SND1: variants seen among roughly 807,000 people sequenced by gnomAD.
The protein encoded by SND1 is staphylococcal nuclease and tudor domain containing 1.
In SND1, 38 loss-of-function variants were observed where a neutral mutation model predicts 121.7. The ratio of observed to expected loss-of-function variants is 0.31; its 90% confidence interval spans 0.24 to 0.41. SND1 has a LOEUF of 0.41. Ranked by LOEUF, SND1 falls within the 10% of genes least tolerant of loss-of-function variation. The pLI is 1.00. For synonymous variants in SND1, 401 were observed against 447.4 expected (o/e 0.90, Z 1.31); for missense variants, 868 against 1,184.6 (o/e 0.73, Z 3.92).
chr7:128,089,037 CTGGTT>C (rs1793731904), intron 21 of SND1, among the ~76,000 whole-genome samples: 1 of 151,912 alleles, frequency 6.6e-6, no homozygotes, highest in South Asian at 2.1e-4. Flanking sequence ...AGGGTTCTTT[CTGGTT>C]TGTGTTTTTT....
At chr7:127,727,690 A>T (rs147970558) in intron 10 of SND1, among the ~76,000 whole-genome samples, 3 of 152,208 alleles carry the variant, frequency 2.0e-5, no homozygotes, top group Admixed American at 2.0e-4. Context: ...CCAGTCTCCA[A>T]TGGAGAGATT....
intron 1 of SND1, among the ~76,000 whole-genome samples, chr7:127,662,257 G>T (rs1055080381): frequency 6.6e-6 from 1 of 152,080 alleles, no homozygotes; most frequent in Non-Finnish European, 1.5e-5. Flanking sequence ...CTTTTTAAAA[G>T]AAACTGAAAT....
Position 128,029,518 on chromosome 7 carries a change from G to A in SND1, c.1779+38462G>A, listed in dbSNP as rs201729343. The A allele has an allele frequency of 8.1e-6, 13 of 1,613,960 alleles. No homozygotes were observed. In the East Asian group the frequency reaches 8.9e-5, roughly 11 times the overall value. On this transcript the variant is annotated intron_variant, in intron 16 of 23. Transcript: ENST00000354725. The surrounding 1 kb of genome is among the most constrained non-coding windows in gnomAD (Gnocchi z 4.2). ...TTCACGGAGGACATAGGGGGAGTCC[G>A]ACACTTAAGTTCTGCCATCCGACCC...
chr7:127,671,433 C>T (rs188663880), intron 1 of SND1, among the ~76,000 whole-genome samples: 38 of 152,256 alleles, frequency 2.5e-4, no homozygotes, highest in African/African-American at 9.1e-4. Context: ...TCCCTTCAAA[C>T]TTCTGGTCAC....
intron 10 of SND1, among the ~76,000 whole-genome samples, chr7:127,775,105 A>G (rs567474754): frequency 2.6e-5 from 4 of 152,226 alleles, no homozygotes; most frequent in African/African-American, 9.6e-5. Context: ...AGAGCATGTG[A>G]TAATGGAGGA....
chr7:127,818,382 G>A (rs1563024108), intron 11 of SND1, among the ~76,000 whole-genome samples: 1 of 152,124 alleles, frequency 6.6e-6, no homozygotes, highest in Non-Finnish European at 1.5e-5. Context: ...TATTGAAACT[G>A]TGCATCATTA....
chr7:128,018,982 C>T (rs1355487773), intron 16 of SND1, among the ~76,000 whole-genome samples: 2 of 152,150 alleles, frequency 1.3e-5, no homozygotes, highest in Admixed American at 1.3e-4. Context: ...GAATCCCTTA[C>T]CCTTACTTCC....
At chr7:127,939,936 T>G (rs1801155021) in intron 15 of SND1, among the ~76,000 whole-genome samples, 1 of 152,198 alleles carries the variant, frequency 6.6e-6, no homozygotes, top group Non-Finnish European at 1.5e-5. Flanking sequence ...GCTTTCATGT[T>G]TTAATACTGA....
chr7:128,089,779 G>A (rs1328328995), intron 22 of SND1, 87 bp downstream of exon 22: 3 of 1,186,946 alleles, frequency 2.5e-6, no homozygotes, highest in South Asian at 1.3e-5. Context: ...AGGGAGCAGG[G>A]AATCCACCAT....
intron 2 of SND1, among the ~76,000 whole-genome samples, chr7:127,691,537 C>T (rs1385057480): frequency 2.6e-5 from 4 of 151,534 alleles, no homozygotes; most frequent in African/African-American, 7.3e-5. Context: ...AGCGAGACTC[C>T]GTCTCAAAAA....
intron 16 of SND1, among the ~76,000 whole-genome samples, chr7:128,032,751 G>A (rs529268222): frequency 5.5e-4 from 84 of 152,306 alleles, no homozygotes; most frequent in South Asian, 4.6e-3. Flanking sequence ...GAGGCTCCCA[G>A]GACCGAGAGC....
At chr7:127,743,096 T>C (rs961797441) in intron 10 of SND1, among the ~76,000 whole-genome samples, 4 of 152,174 alleles carry the variant, frequency 2.6e-5, no homozygotes, top group Non-Finnish European at 5.9e-5. Flanking sequence ...GTAAACTCTT[T>C]TGCCATCCCC....
At chr7:128,016,396 ATACTT>A (rs1371845258) in intron 16 of SND1, among the ~76,000 whole-genome samples, 1 of 152,188 alleles carries the variant, frequency 6.6e-6, no homozygotes, top group Non-Finnish European at 1.5e-5. Context: ...TAATGATAAA[ATACTT>A]TACTGGCACC....
At chr7:127,821,789 G>A (rs1328510064) in intron 11 of SND1, among the ~76,000 whole-genome samples, 1 of 152,000 alleles carries the variant, frequency 6.6e-6, no homozygotes, top group Non-Finnish European at 1.5e-5. Context: ...TTCTTCTAAA[G>A]ATTTTAAAAG....
At chr7:127,713,123 T>A (rs116155235) in intron 9 of SND1, among the ~76,000 whole-genome samples, 35 of 152,384 alleles carry the variant, frequency 2.3e-4, no homozygotes, top group African/African-American at 7.9e-4. Context: ...TTAGGCTTGG[T>A]GGCCATGTGG....
At chr7:127,775,171 G>A (rs189285255) in intron 10 of SND1, among the ~76,000 whole-genome samples, 58 of 152,190 alleles carry the variant, frequency 3.8e-4, no homozygotes, top group Middle Eastern at 3.2e-3. Flanking sequence ...CCGGAAGCTC[G>A]GAGAGGCAAG....
rs1286863431 is a variant in SND1, at chr7:128,081,528, G to T, written c.2110+27G>T. The stretch of plus-strand genomic sequence containing the variant: ...TGAGTGCTCAGGCCGCTGGCTCGTG[G>T]TTCCTGGCTTGGTCCAGCTGGCGCT... On this transcript the variant is annotated intron_variant, in intron 18 of 23. Transcript: ENST00000354725. 5 of 1,612,044 alleles carry T rather than the reference G, an allele frequency of 3.1e-6. No individual in the cohort carries two copies. The Admixed American group carries it at 6.7e-5, about 21-fold the overall frequency.
chr7:127,960,660 G>T (rs1161026968), intron 15 of SND1, among the ~76,000 whole-genome samples: 1 of 152,182 alleles, frequency 6.6e-6, no homozygotes, highest in African/African-American at 2.4e-5. Flanking sequence ...TGAGAAAATA[G>T]ACATTAAATC....
At chr7:127,904,161 C>T (rs1349698157) in intron 13 of SND1, among the ~76,000 whole-genome samples, 2 of 152,172 alleles carry the variant, frequency 1.3e-5, no homozygotes, top group African/African-American at 4.8e-5. Flanking sequence ...CCCAGAGTTC[C>T]CTGTTAAATC....
Sources: allele counts gnomAD v4.1 joint callset (sites outside exome capture counted in the v4.1 genomes callset), GRCh38; gene constraint gnomAD v4.1.1; non-coding constraint Gnocchi (gnomAD v3.1); transcripts MANE v1.5; gene names NCBI Gene and HGNC (gene_info 2026-07-23, HGNC 2026-07-21).